The following NHSL2 variants were observed in gnomAD, a reference collection of about 807,000 sequenced individuals.
NHSL2 encodes NHS-like protein 2.
NHSL2 carries 27 observed loss-of-function variants against 53.4 expected under a neutral mutation model. The ratio of observed to expected loss-of-function variants is 0.51; its 90% CI spans 0.37 to 0.70. The LOEUF (loss-of-function observed/expected upper bound fraction) is 0.70, where lower values mean the gene tolerates loss of function less well. NHSL2 is among the 30% of genes least tolerant of loss of function. The probability of loss-of-function intolerance (pLI) is 0.00; values close to 1 mark genes in which losing one functional copy is unlikely to be tolerated. For missense variants in NHSL2, 892 were observed against 980.1 expected (o/e 0.91, Z 1.20); for synonymous variants, 408 against 404.1 (o/e 1.01, Z -0.12).
chrX:72,078,521 T>C (rs1415297650), intron 1 of NHSL2, among the ~76,000 whole-genome samples: 6 of 111,346 alleles, frequency 5.4e-5, no homozygotes, highest in Non-Finnish European at 1.1e-4. Context: ...TAGTTCTGCC[T>C]CTCCCTCCAG....
chrX:72,098,575 C>T (rs1401369115), intron 1 of NHSL2, among the ~76,000 whole-genome samples: 16 of 84,705 alleles, frequency 1.9e-4, no homozygotes, highest in African/African-American at 6.3e-4. Context: ...AGCAAGACTC[C>T]GTCTCAAAAA....
intron 1 of NHSL2, among the ~76,000 whole-genome samples, chrX:72,004,008 C>G (rs1484188812): frequency 2.7e-5 from 3 of 111,980 alleles, no homozygotes; most frequent in Non-Finnish European, 5.6e-5. Context: ...AGGGGCAGGA[C>G]TTGGGTTTGC....
intron 1 of NHSL2, among the ~76,000 whole-genome samples, chrX:71,931,035 A>G (rs1276838993): frequency 8.9e-6 from 1 of 112,115 alleles, no homozygotes; most frequent in Non-Finnish European, 1.9e-5. Flanking sequence ...AAGGGTTCCA[A>G]TTTCTCTGCA....
At chrX:72,027,420 G>A (rs754289858) in intron 1 of NHSL2, 96 of 111,888 alleles carry the variant, frequency 8.6e-4, no homozygotes, top group African/African-American at 3.0e-3. Context: ...AAGAAAGGAC[G>A]AGTCAGAGCC....
intron 1 of NHSL2, among the ~76,000 whole-genome samples, chrX:72,043,009 G>A (rs1283778715): frequency 9.0e-6 from 1 of 111,351 alleles, no homozygotes; most frequent in Non-Finnish European, 1.9e-5. Context: ...GCCAGGCCTG[G>A]ACTAGGTATG....
chrX:72,139,405 T>A lies in NHSL2; in HGVS notation c.1857T>A (p.Gly619=). 8.3e-7 allele frequency: 1 copy of A among 1,209,783 alleles called. No individual in the cohort carries two copies. Among genetic ancestry groups the A allele is most frequent in the Non-Finnish European group, 1.1e-6 (1 of 894,655 alleles). Residue 619 remains glycine (G), a synonymous_variant, in exon 6 of 8, where the codon GGT becomes GGA. Coordinates refer to ENST00000633930, the MANE Select transcript of NHSL2 (RefSeq NM_001013627.3). ...ACTCGTCCCACCCAGATGCTCAGGG[T>A]CACCCAGCTATTCCAAACCACAAAG... ...GHHSSHPDAQ[G]HPAIPNHKDP...
intron 1 of NHSL2, among the ~76,000 whole-genome samples, chrX:72,067,416 C>A (rs1340225679): frequency 1.8e-5 from 2 of 111,023 alleles, no homozygotes; most frequent in Non-Finnish European, 3.8e-5. Flanking sequence ...TCAGGATGTC[C>A]CATGCATTCT....
intron 1 of NHSL2, among the ~76,000 whole-genome samples, chrX:71,964,011 GTA>G (rs1382971808): frequency 0.5 from 6,082 of 12,094 alleles, 1,130 homozygotes; most frequent in South Asian, 0.61. Context: ...ATATATATAT[GTA>G]TATATATATA....
At chrX:71,920,614 A>G (rs1397236627) in intron 1 of NHSL2, among the ~76,000 whole-genome samples, 1 of 111,703 alleles carries the variant, frequency 9.0e-6, no homozygotes, top group African/African-American at 3.3e-5. Context: ...AACTCCTGTT[A>G]TAGATGTTAA....
intron 1 of NHSL2, among the ~76,000 whole-genome samples, chrX:71,998,752 C>T (rs1004625676): frequency 3.6e-5 from 4 of 111,156 alleles, no homozygotes; most frequent in Admixed American, 9.5e-5. Flanking sequence ...GGTGTCTGGC[C>T]GTGGGGTCCT....
At chrX:72,036,410 A>G (rs1272536257) in intron 1 of NHSL2, among the ~76,000 whole-genome samples, 1 of 112,143 alleles carries the variant, frequency 8.9e-6, no homozygotes, top group African/African-American at 3.2e-5. Flanking sequence ...ACTGCTTTCA[A>G]AAGTTTTTAT....
rs750929812 is a variant in NHSL2, at chrX:72,142,141, T to C, written c.3224-91T>C. ...CTCCACCCTGCTGCCCTCACAGAGT[T>C]GCTTTCACCATCAAATGAAATAACA... On this transcript the variant is annotated intron_variant, in intron 6 of 7. Coordinates refer to ENST00000633930, the MANE Select transcript of NHSL2 (RefSeq NM_001013627.3). 4.2e-6 allele frequency: 3 copies of C among 707,317 alleles called. No individual in the cohort carries two copies. In the East Asian group the frequency reaches 1.1e-4, roughly 26 times the overall value. 58.3% of individuals were successfully genotyped at this position (707,317 alleles called of 1,213,427 possible).
At chrX:71,924,657 C>T (rs6625916) in intron 1 of NHSL2, among the ~76,000 whole-genome samples, 7,805 of 111,647 alleles carry the variant, frequency 0.07, 293 homozygotes, top group East Asian at 0.29. Context: ...CTTCTGATCC[C>T]AATACATTTA....
rs2042405711 is a variant in NHSL2, at chrX:72,140,338, C to T, written c.2790C>T (p.Ser930=). ...CGGTAGTGCGGAAACCAAAGCCCTCCAGCTTCCCAGATGGCAGAAGCCCAG... is the reference window on the plus strand; with the variant it reads ...CGGTAGTGCGGAAACCAAAGCCCTCTAGCTTCCCAGATGGCAGAAGCCCAG... ...SYTVVRKPKP[S]SFPDGRSPGE... Residue 930 remains serine, a synonymous_variant, in exon 6 of 8, where the codon TCC becomes TCT. Coordinates refer to ENST00000633930, the MANE Select transcript of NHSL2 (RefSeq NM_001013627.3). 1 of 1,211,344 alleles carries T rather than the reference C, an allele frequency of 8.3e-7. No homozygotes were observed.
chrX:72,013,785 G>GT (rs1320986440), intron 1 of NHSL2, among the ~76,000 whole-genome samples: 7 of 110,069 alleles, frequency 6.4e-5, no homozygotes, highest in Admixed American at 5.8e-4. Flanking sequence ...ATTTCTCAGA[G>GT]TTTTTTTTAA....
chrX:71,957,508 C>T (rs1026882575), intron 1 of NHSL2, among the ~76,000 whole-genome samples: 3 of 111,976 alleles, frequency 2.7e-5, no homozygotes, highest in East Asian at 2.8e-4. Flanking sequence ...CCTCGTGATC[C>T]GCCTGACTTG....
chrX:71,986,392 C>T (rs1256565733), intron 1 of NHSL2, among the ~76,000 whole-genome samples: 1 of 112,161 alleles, frequency 8.9e-6, no homozygotes, highest in African/African-American at 3.2e-5. Context: ...CCCATACTCA[C>T]TAAGAGAGGA....
chrX:72,112,503 T>G (rs1257319456), intron 1 of NHSL2, among the ~76,000 whole-genome samples: 1 of 111,764 alleles, frequency 8.9e-6, no homozygotes. Flanking sequence ...ACTTTCCACT[T>G]TTGCCAACCC....
intron 1 of NHSL2, among the ~76,000 whole-genome samples, chrX:72,106,251 T>TACAC (rs148976162): frequency 5.3e-4 from 56 of 105,979 alleles, no homozygotes; most frequent in South Asian, 2.4e-3. Context: ...ATTCCCTCAT[T>TACAC]ACACACACAC....
Sources: allele counts gnomAD v4.1 joint callset (sites outside exome capture counted in the v4.1 genomes callset), GRCh38; gene constraint gnomAD v4.1.1; transcripts MANE v1.5; gene names NCBI Gene and HGNC (gene_info 2026-07-23, HGNC 2026-07-21).